NEDD1: variants seen among roughly 807,000 people sequenced by gnomAD.
The protein encoded by NEDD1 is NEDD1 gamma-tubulin ring complex targeting factor, also known as protein NEDD1.
A neutral mutation model predicts 74.0 loss-of-function variants in NEDD1; 33 were observed. The ratio of observed to expected loss-of-function variants is 0.45; its 90% CI spans 0.34 to 0.60. The LOEUF is 0.60. NEDD1 is among the 20% of genes least tolerant of loss of function. NEDD1 has a pLI of 0.01. For synonymous variants in NEDD1, 250 were observed against 264.4 expected (o/e 0.95, Z 0.53); for missense variants, 746 against 776.5 (o/e 0.96, Z 0.47).
intron 4 of NEDD1, among the ~76,000 whole-genome samples, chr12:96,915,723 G>A (rs1565786870): frequency 6.6e-6 from 1 of 152,136 alleles, no homozygotes; most frequent in African/African-American, 2.4e-5. Flanking sequence ...CACCAAATTG[G>A]TGACACTCAA....
intron 4 of NEDD1, among the ~76,000 whole-genome samples, chr12:96,915,041 C>G (rs1874297080): frequency 6.6e-6 from 1 of 152,178 alleles, no homozygotes; most frequent in African/African-American, 2.4e-5. Flanking sequence ...TCCTGATTTG[C>G]AGTGACAACC....
intron 6 of NEDD1, among the ~76,000 whole-genome samples, chr12:96,932,300 A>G (rs946148413): frequency 6.7e-6 from 1 of 149,456 alleles, no homozygotes; most frequent in Non-Finnish European, 1.5e-5. Flanking sequence ...AAATAAGTTA[A>G]TATTTATTTT....
At chr12:96,916,463 A>T (rs1477666796) in intron 4 of NEDD1, among the ~76,000 whole-genome samples, 1 of 114,498 alleles carries the variant, frequency 8.7e-6, no homozygotes, top group Non-Finnish European at 1.7e-5. Context: ...TGTCCATGTG[A>T]TCTCATTGTT....
intron 14 of NEDD1, among the ~76,000 whole-genome samples, chr12:96,950,493 T>C (rs1368313438): frequency 6.6e-6 from 1 of 151,924 alleles, no homozygotes; most frequent in Non-Finnish European, 1.5e-5. Flanking sequence ...AGTCAAAATA[T>C]TAACAGGAAA....
At chr12:96,946,775 A>G (rs1054592154) in intron 14 of NEDD1, among the ~76,000 whole-genome samples, 1 of 152,176 alleles carries the variant, frequency 6.6e-6, no homozygotes, top group Non-Finnish European at 1.5e-5. Context: ...TGTTGACAAT[A>G]TGATGAGGAA....
In NEDD1 at chr12:96,936,703, A is replaced by G. The variant is rs1447910947; in HGVS notation, c.812A>G (p.Lys271Arg). The G allele has an allele frequency of 1.1e-5, 18 of 1,613,284 alleles. No homozygotes were observed. In the East Asian group the frequency reaches 3.8e-4, roughly 34 times the overall value. ...TTGGCTATTGGATCTTCCCGGGGGAAAATATATCAATATGATTTAAGAATG... is the reference window on the plus strand; with the variant it reads ...TTGGCTATTGGATCTTCCCGGGGGAGAATATATCAATATGATTTAAGAATG... Reference protein sequence around the residue: ...ATLAIGSSRGKIYQYDLRMLK... With the variant: ...ATLAIGSSRGRIYQYDLRMLK... The change falls in exon 8 of 16, where the codon AAA (lysine) becomes AGA (arginine). Residue 271 changes from lysine (K) to arginine (R), a missense_variant. Lys to Arg is a conservative substitution (Grantham distance 26). Transcript: ENST00000266742.
intron 6 of NEDD1, among the ~76,000 whole-genome samples, chr12:96,924,362 C>A (rs956604464): frequency 1.3e-5 from 2 of 152,194 alleles, no homozygotes; most frequent in Non-Finnish European, 2.9e-5. Context: ...AAATCTGCTT[C>A]ATTTTGATTA....
chr12:96,913,615 G>T (rs1336723514), intron 4 of NEDD1, among the ~76,000 whole-genome samples: 2 of 151,816 alleles, frequency 1.3e-5, no homozygotes, highest in Middle Eastern at 6.8e-3. Context: ...CTCATGATCC[G>T]CCCGCCTCAG....
intron 6 of NEDD1, 73 bp downstream of exon 6, chr12:96,920,198 T>C: frequency 1.1e-6 from 1 of 941,266 alleles, no homozygotes; most frequent in Non-Finnish European, 1.5e-6. Context: ...AGACTGTGAA[T>C]TTAAGTTTTT....
At chr12:96,923,771 T>C (rs1307815414) in intron 6 of NEDD1, among the ~76,000 whole-genome samples, 1 of 149,358 alleles carries the variant, frequency 6.7e-6, no homozygotes, top group East Asian at 2.0e-4. Context: ...CTTGCTGTTT[T>C]ACTCCTTAAT....
chr12:96,913,681 G>C (rs1874154062), intron 4 of NEDD1, among the ~76,000 whole-genome samples: 1 of 151,946 alleles, frequency 6.6e-6, no homozygotes, highest in Admixed American at 6.6e-5. Flanking sequence ...CTATCCTTTT[G>C]TTTTATAAGT....
chr12:96,921,581 G>T (rs978139982), intron 6 of NEDD1, among the ~76,000 whole-genome samples: 9 of 151,940 alleles, frequency 5.9e-5, no homozygotes, highest in African/African-American at 2.2e-4. Flanking sequence ...TGGAGAAGAT[G>T]TATAATAAAT....
intron 6 of NEDD1, among the ~76,000 whole-genome samples, chr12:96,934,007 A>G (rs1220329743): frequency 1.3e-5 from 2 of 152,220 alleles, no homozygotes; most frequent in Non-Finnish European, 2.9e-5. Context: ...GAGAAAGGCC[A>G]GCATTGCCCT....
rs550410365 is a variant in NEDD1, at chr12:96,920,438, A to G, written c.489+313A>G. Among the ~76,000 whole-genome samples, 5 of 152,330 alleles carry G rather than the reference A, an allele frequency of 3.3e-5. No homozygotes were observed. The East Asian group carries it at 7.7e-4, about 23-fold the overall frequency. On this transcript the variant is annotated intron_variant, in intron 6 of 15. Coordinates refer to ENST00000266742, the MANE Select transcript of NEDD1 (RefSeq NM_152905.4). ...AATCTTTCTACAGCATTACTGTTAT[A>G]GAAATGTGTCACATAGCTCAGATTT...
intron 6 of NEDD1, among the ~76,000 whole-genome samples, chr12:96,933,980 G>A (rs980074525): frequency 2.0e-5 from 3 of 152,134 alleles, no homozygotes; most frequent in Non-Finnish European, 4.4e-5. Context: ...TCCACTACCT[G>A]CAGGGATTTG....
At chr12:96,943,469 C>A (rs1202111382) in intron 11 of NEDD1, 91 bp from the exon 12 acceptor site, 1 of 803,788 alleles carries the variant, frequency 1.2e-6, no homozygotes. Context: ...ATATCTTCTT[C>A]CATGTTAATC....
At chr12:96,949,953 C>G (rs1190636543) in intron 14 of NEDD1, among the ~76,000 whole-genome samples, 1 of 151,930 alleles carries the variant, frequency 6.6e-6, no homozygotes, top group African/African-American at 2.4e-5. Context: ...AAATAATGCA[C>G]TGCCTATAAA....
At chr12:96,950,612 A>G (rs1031145224) in intron 14 of NEDD1, among the ~76,000 whole-genome samples, 1 of 151,928 alleles carries the variant, frequency 6.6e-6, no homozygotes, top group African/African-American at 2.4e-5. Flanking sequence ...CTTTTTTGTA[A>G]TGCTCAAAAA....
intron 15 of NEDD1, among the ~76,000 whole-genome samples, 191 bp downstream of exon 15, chr12:96,951,689 CCTT>C (rs759079031): frequency 1.3e-5 from 2 of 151,582 alleles, no homozygotes; most frequent in Non-Finnish European, 3.0e-5. Flanking sequence ...GATACTTAAG[CCTT>C]CTTTTTTCCA....
Sources: allele counts gnomAD v4.1 joint callset (sites outside exome capture counted in the v4.1 genomes callset), GRCh38; gene constraint gnomAD v4.1.1; transcripts MANE v1.5; gene names NCBI Gene and HGNC (gene_info 2026-07-23, HGNC 2026-07-21).